The following F13A1 variants were observed in gnomAD, a reference collection of about 807,000 sequenced individuals.
The protein encoded by F13A1 is coagulation factor XIII A chain, also known as FSF, A subunit.
In F13A1, 47 loss-of-function variants were observed where a neutral mutation model predicts 80.1. That is an observed-to-expected ratio of 0.59 (90% CI 0.46 to 0.75). F13A1 has a LOEUF of 0.75. Ranked by LOEUF, F13A1 falls within the 30% of genes least tolerant of loss-of-function variation. The probability of loss-of-function intolerance (pLI) is 0.00; values close to 1 mark genes in which losing one functional copy is unlikely to be tolerated. For missense variants in F13A1, 817 were observed against 930.4 expected (o/e 0.88, Z 1.59); for synonymous variants, 349 against 344.9 (o/e 1.01, Z -0.13).
At chr6:6,183,237 C>G (rs1467660790) in intron 10 of F13A1, among the ~76,000 whole-genome samples, 3 of 152,198 alleles carry the variant, frequency 2.0e-5, no homozygotes, top group Non-Finnish European at 4.4e-5. Flanking sequence ...GTTACCCACT[C>G]TTTAAATAGG....
intron 10 of F13A1, among the ~76,000 whole-genome samples, chr6:6,186,416 G>A (rs1018394985): frequency 2.0e-5 from 3 of 152,186 alleles, no homozygotes; most frequent in Admixed American, 6.5e-5. Context: ...GTAAGGAAGG[G>A]ATCCAGTTTC....
At chr6:6,271,116 C>A (rs769768451) in intron 3 of F13A1, among the ~76,000 whole-genome samples, 29 of 152,136 alleles carry the variant, frequency 1.9e-4, no homozygotes, top group African/African-American at 6.5e-4. Flanking sequence ...GAAAAAGAAT[C>A]CTGATTGGCA....
intron 6 of F13A1, among the ~76,000 whole-genome samples, chr6:6,225,315 T>C (rs959429336): frequency 1.3e-5 from 2 of 152,182 alleles, no homozygotes; most frequent in African/African-American, 2.4e-5. Context: ...GGATTTTGAC[T>C]TTCATTTTGA....
intron 13 of F13A1, among the ~76,000 whole-genome samples, chr6:6,161,545 TGTGTGTGAGAGA>T (rs1280841604): frequency 1.3e-5 from 2 of 150,964 alleles, no homozygotes; most frequent in Non-Finnish European, 3.0e-5. Context: ...TGTGTGTGTG[TGTGTGTGAGAGA>T]GAGAGAGAGA....
intron 14 of F13A1, among the ~76,000 whole-genome samples, chr6:6,146,234 G>C (rs1760277011): frequency 6.6e-6 from 1 of 152,176 alleles, no homozygotes. Flanking sequence ...ATTAGCTTTT[G>C]CCAACTCCCT....
rs114599566 is a variant in F13A1 at position 6,279,643 on chromosome 6, G to C, written c.320-12834C>G. On this transcript the variant is annotated intron_variant, in intron 3 of 14. Transcript: ENST00000264870. ...TCTCAGTCAGCTCAGAACACATGCC[G>C]TAAAGAATCTCCTACAGCAACTGAA... is the stretch of plus-strand genomic sequence containing the variant. 5.3e-5 allele frequency among the ~76,000 whole-genome samples: 8 copies of C among 152,240 alleles called. No homozygotes were observed. The East Asian group carries it at 1.2e-3, about 22-fold the overall frequency.
chr6:6,313,570 G>T (rs1160340951), intron 2 of F13A1, among the ~76,000 whole-genome samples: 2 of 152,006 alleles, frequency 1.3e-5, no homozygotes, highest in African/African-American at 4.8e-5. Flanking sequence ...TAAGTTAAAT[G>T]TTTAGGTTTA....
At chr6:6,189,103 G>T (rs1477184526) in intron 10 of F13A1, among the ~76,000 whole-genome samples, 1 of 71,252 alleles carries the variant, frequency 1.4e-5, no homozygotes, top group Non-Finnish European at 2.6e-5. Context: ...CTTTTATTTT[G>T]AGCCTATGTG....
At chr6:6,287,037 G>C (rs916432820) in intron 3 of F13A1, among the ~76,000 whole-genome samples, 1 of 152,200 alleles carries the variant, frequency 6.6e-6, no homozygotes, top group East Asian at 1.9e-4. Flanking sequence ...AGTTCAAAGA[G>C]CTTCCAGTTA....
At chr6:6,265,484 G>T (rs1757831249) in intron 4 of F13A1, among the ~76,000 whole-genome samples, 1 of 152,130 alleles carries the variant, frequency 6.6e-6, no homozygotes, top group Admixed American at 6.6e-5. Flanking sequence ...GGTATGAAAG[G>T]GCAGAGATGA....
chr6:6,255,587 T>G (rs1192910657), intron 4 of F13A1, among the ~76,000 whole-genome samples: 1 of 151,996 alleles, frequency 6.6e-6, no homozygotes, highest in Non-Finnish European at 1.5e-5. Flanking sequence ...GTCTGGAGCT[T>G]AGAGAGTAAG....
intron 6 of F13A1, among the ~76,000 whole-genome samples, chr6:6,240,663 A>C (rs1459224753): frequency 6.6e-6 from 1 of 152,226 alleles, no homozygotes; most frequent in African/African-American, 2.4e-5. Context: ...CTATGAAGAT[A>C]CTTTCTGTTA....
chr6:6,156,862 C>T (rs1760486772), intron 13 of F13A1, among the ~76,000 whole-genome samples: 1 of 152,212 alleles, frequency 6.6e-6, no homozygotes, highest in Admixed American at 6.5e-5. Context: ...CCTCATATGG[C>T]TCGTGGCTAC....
chr6:6,174,402 T>TA (rs778778043), intron 12 of F13A1, among the ~76,000 whole-genome samples, 178 bp downstream of exon 12: 44 of 142,526 alleles, frequency 3.1e-4, no homozygotes, highest in Non-Finnish European at 5.6e-4. Context: ...AAAATAAAAA[T>TA]AAAAAAAAAG....
intron 6 of F13A1, among the ~76,000 whole-genome samples, chr6:6,239,513 T>C (rs1757457633): frequency 6.6e-6 from 1 of 152,186 alleles, no homozygotes; most frequent in Non-Finnish European, 1.5e-5. Context: ...GTATGAAGCA[T>C]ATAACTACCG....
intron 6 of F13A1, among the ~76,000 whole-genome samples, chr6:6,238,969 A>G (rs1342310211): frequency 6.6e-6 from 1 of 152,142 alleles, no homozygotes; most frequent in African/African-American, 2.4e-5. Flanking sequence ...TTAAATATAT[A>G]CATACTTTCT....
At chr6:6,247,464 C>T (rs1408972179) in intron 6 of F13A1, among the ~76,000 whole-genome samples, 2 of 152,096 alleles carry the variant, frequency 1.3e-5, no homozygotes. Flanking sequence ...CTTCTCTGTA[C>T]CAACATCTGG....
At chr6:6,246,996 C>T (rs995507639) in intron 6 of F13A1, among the ~76,000 whole-genome samples, 2 of 152,166 alleles carry the variant, frequency 1.3e-5, no homozygotes, top group African/African-American at 4.8e-5. Flanking sequence ...TTGTTATAAA[C>T]GGTCATGACA....
At chr6:6,156,249 A>G (rs1303100005) in intron 13 of F13A1, among the ~76,000 whole-genome samples, 2 of 152,218 alleles carry the variant, frequency 1.3e-5, no homozygotes, top group Non-Finnish European at 2.9e-5. Context: ...ATACTAATTC[A>G]TGATAATGAG....
Sources: gnomAD v4.1 joint callset for allele counts (sites outside exome capture counted in the v4.1 genomes callset) on GRCh38, gnomAD v4.1.1 for gene constraint, MANE v1.5 for transcripts, NCBI Gene and HGNC (gene_info 2026-07-23, HGNC 2026-07-21) for gene names.